Variants in EDIL3 observed in about 807,000 individuals in gnomAD.
EDIL3 encodes EGF-like repeat and discoidin I-like domain-containing protein 3.
EDIL3 carries 37 observed loss-of-function variants against 67.4 expected under a neutral mutation model. The ratio of observed to expected loss-of-function variants is 0.55; its 90% confidence interval spans 0.42 to 0.72. The LOEUF is 0.72. EDIL3 is among the 30% of genes least tolerant of loss of function. EDIL3 has a pLI of 0.00. For synonymous variants in EDIL3, 195 were observed against 196.3 expected (o/e 0.99, Z 0.05); for missense variants, 527 against 586.3 (o/e 0.90, Z 1.04).
chr5:84,126,912 T>C (rs992636585), intron 5 of EDIL3, among the ~76,000 whole-genome samples: 5 of 152,070 alleles, frequency 3.3e-5, no homozygotes, highest in African/African-American at 1.2e-4. Context: ...AATAATTCTA[T>C]TGGAAAAGGA....
intron 1 of EDIL3, among the ~76,000 whole-genome samples, chr5:84,371,319 GTA>G (rs71607709): frequency 0.011 from 1,224 of 115,366 alleles, 15 homozygotes; most frequent in African/African-American, 0.022. Context: ...TAGATAAAAA[GTA>G]TATATATATA....
intron 1 of EDIL3, among the ~76,000 whole-genome samples, chr5:84,380,662 C>A (rs1207112592): frequency 6.6e-6 from 1 of 152,068 alleles, no homozygotes; most frequent in Non-Finnish European, 1.5e-5. Flanking sequence ...AAAAATTATA[C>A]ACTAAATGAT....
chr5:83,985,684 G>A (rs933876869), intron 9 of EDIL3, among the ~76,000 whole-genome samples: 1 of 151,790 alleles, frequency 6.6e-6, no homozygotes, highest in Non-Finnish European at 1.5e-5. Context: ...GAACTCTCTT[G>A]TTGATTGTTT....
At chr5:84,333,800 A>C (rs556446712) in intron 1 of EDIL3, among the ~76,000 whole-genome samples, 11 of 152,298 alleles carry the variant, frequency 7.2e-5, no homozygotes, top group Admixed American at 3.3e-4. Context: ...AAAAATAAGT[A>C]ATTTATTATA....
chr5:84,322,780 T>C (rs10473883), intron 1 of EDIL3, among the ~76,000 whole-genome samples: 53,766 of 151,908 alleles, frequency 0.35, 10,773 homozygotes, highest in South Asian at 0.48. Context: ...AATAAAACTT[T>C]GAAAAGAAAA....
chr5:84,146,575 C>T (rs780953828), intron 4 of EDIL3, among the ~76,000 whole-genome samples: 8 of 152,108 alleles, frequency 5.3e-5, no homozygotes, highest in Non-Finnish European at 1.0e-4. Flanking sequence ...GTTTGGAATA[C>T]ACTTTTCCCC....
intron 2 of EDIL3, among the ~76,000 whole-genome samples, chr5:84,232,045 C>T (rs940181813): frequency 6.6e-6 from 1 of 152,168 alleles, no homozygotes; most frequent in Non-Finnish European, 1.5e-5. Flanking sequence ...AATTTGAGCT[C>T]ATGTCAGTGT....
intron 9 of EDIL3, among the ~76,000 whole-genome samples, chr5:83,974,939 C>T (rs932674665): frequency 6.6e-6 from 1 of 151,826 alleles, no homozygotes; most frequent in Non-Finnish European, 1.5e-5. Context: ...AATATAGTTA[C>T]CAAGGTCTTT....
intron 9 of EDIL3, among the ~76,000 whole-genome samples, chr5:84,033,335 C>T (rs555282463): frequency 8.0e-4 from 121 of 152,180 alleles, no homozygotes; most frequent in Non-Finnish European, 1.3e-3. Context: ...TTTTCTTCAT[C>T]TTTGCCATAC....
chr5:84,088,555 G>A (rs986653176), intron 6 of EDIL3, among the ~76,000 whole-genome samples: 8 of 152,124 alleles, frequency 5.3e-5, no homozygotes, highest in African/African-American at 1.9e-4. Flanking sequence ...CAACACTAAT[G>A]ATAGTAATAA....
chr5:84,160,587 G>A (rs1205438517), intron 4 of EDIL3, among the ~76,000 whole-genome samples: 3 of 152,116 alleles, frequency 2.0e-5, no homozygotes, highest in South Asian at 2.1e-4. Flanking sequence ...GCAGCTGCAC[G>A]TGAAGCAGTT....
At chr5:84,242,219 G>A (rs1430353841) in intron 2 of EDIL3, among the ~76,000 whole-genome samples, 1 of 151,308 alleles carries the variant, frequency 6.6e-6, no homozygotes, top group Non-Finnish European at 1.5e-5. Context: ...GCGGCAGAGC[G>A]AGACTCTGTC....
intron 5 of EDIL3, 96 bp downstream of exon 5, chr5:84,137,144 TA>T: frequency 1.2e-6 from 1 of 829,892 alleles, no homozygotes. Flanking sequence ...ATGATGTACA[TA>T]AAAATATATA....
At chr5:83,994,610 A>G in intron 9 of EDIL3, among the ~76,000 whole-genome samples, 1 of 152,208 alleles carries the variant, frequency 6.6e-6, no homozygotes, top group East Asian at 1.9e-4. Flanking sequence ...TAATTGTTAC[A>G]GATTCTCTTT....
chr5:84,208,061 C>G (rs1241170262), intron 3 of EDIL3, among the ~76,000 whole-genome samples: 1 of 151,018 alleles, frequency 6.6e-6, no homozygotes, highest in Non-Finnish European at 1.5e-5. Context: ...TCTAATTAAA[C>G]TAAAGAGCTT....
intron 1 of EDIL3, among the ~76,000 whole-genome samples, chr5:84,311,556 G>GTT (rs1270076999): frequency 6.8e-6 from 1 of 146,088 alleles, no homozygotes; most frequent in Non-Finnish European, 1.5e-5. Context: ...AGGGTGTCCA[G>GTT]TTTTTTTTTT....
chr5:84,238,725 A>G (rs1322657339), intron 2 of EDIL3, among the ~76,000 whole-genome samples: 1 of 126,012 alleles, frequency 7.9e-6, no homozygotes, highest in Non-Finnish European at 1.6e-5. Flanking sequence ...TAGTGTATCC[A>G]CATTTGGGTG....
At chr5:84,142,339 T>A (rs532189072) in intron 4 of EDIL3, among the ~76,000 whole-genome samples, 1 of 152,012 alleles carries the variant, frequency 6.6e-6, no homozygotes, top group Non-Finnish European at 1.5e-5. Flanking sequence ...TGGCCAGAGA[T>A]GAAACAGAGA....
At chr5:84,384,280 C>T (rs746477552) in intron 1 of EDIL3, 28 bp downstream of exon 1, 2 of 1,602,958 alleles carry the variant, frequency 1.2e-6, no homozygotes, top group Admixed American at 1.7e-5. Context: ...CCATCCCTCA[C>T]CCAGCTGTCC....
Sources: gnomAD v4.1 joint callset for allele counts (sites outside exome capture counted in the v4.1 genomes callset) on GRCh38, gnomAD v4.1.1 for gene constraint, MANE v1.5 for transcripts, NCBI Gene and HGNC (gene_info 2026-07-23, HGNC 2026-07-21) for gene names.